The following USP3 variants were observed in gnomAD, a reference collection of about 807,000 sequenced individuals.
The protein encoded by USP3 is ubiquitin specific peptidase 3.
In USP3, 20 loss-of-function variants were observed where a neutral mutation model predicts 72.3. The observed-to-expected ratio is 0.28, with a 90% CI of 0.19 to 0.40. The LOEUF (loss-of-function observed/expected upper bound fraction) is 0.40, where lower values mean the gene tolerates loss of function less well. USP3 is among the 10% of genes least tolerant of loss of function. The pLI, the probability that USP3 is intolerant of heterozygous loss-of-function variation, is 1.00. For synonymous variants in USP3, 222 were observed against 225.3 expected, an observed-to-expected ratio of 0.99 and a Z score of 0.13; for missense variants, 479 against 633.9, an observed-to-expected ratio of 0.76 and a Z score of 2.62.
chr15:63,568,568 A>G (rs1418542001), intron 8 of USP3, among the ~76,000 whole-genome samples: 1 of 152,216 alleles, frequency 6.6e-6, no homozygotes, highest in Non-Finnish European at 1.5e-5. Context: ...TTATAAAACA[A>G]GAGAAACTGA....
chr15:63,581,103 G>A (rs1430956295), intron 11 of USP3, among the ~76,000 whole-genome samples: 1 of 152,052 alleles, frequency 6.6e-6, no homozygotes, highest in Non-Finnish European at 1.5e-5. Context: ...ACCGTGCCTG[G>A]CTGCTAATAG....
At position 63,590,993 on chromosome 15, in the gene USP3, G is replaced by T; in HGVS notation, c.*167G>T. The T allele has an allele frequency of 2.5e-6, 2 of 790,980 alleles. No individual in the cohort carries two copies. Among genetic ancestry groups the T allele is most frequent in the Non-Finnish European group, 3.6e-6 (2 of 561,820 alleles). 49.0% of individuals were successfully genotyped at this position (790,980 alleles called of 1,614,324 possible). On this transcript the variant is annotated 3_prime_UTR_variant, in exon 15 of 15. Transcript: ENST00000380324. The stretch of plus-strand genomic sequence containing the variant: ...CTGAACATGGGCACCAACTAATTTT[G>T]TTGTTGTTCTACCAGAAAACCTCAG...
chr15:63,543,798 C>A (rs1252270293), intron 3 of USP3, among the ~76,000 whole-genome samples: 1 of 152,156 alleles, frequency 6.6e-6, no homozygotes, highest in African/African-American at 2.4e-5. Context: ...AAAACACAGA[C>A]TAATAAGACC....
At position 63,537,085 on chromosome 15, in the gene USP3, T is replaced by C; in HGVS notation, c.213T>C (p.His71=). ...YEDAQVPLTN[H]KKSEKQDKVQ... The stretch of plus-strand genomic sequence containing the variant: ...ATGCACAAGTACCTTTAACCAACCA[T>C]AAGAAATCAGAAAAGCAAGATAAAG... Residue 71 remains histidine (H), a synonymous_variant, in exon 3 of 15, where the codon CAT becomes CAC. Transcript: ENST00000380324. 6.2e-7 allele frequency: 1 copy of C among 1,614,050 alleles called. No individual in the cohort carries two copies. Among genetic ancestry groups the C allele is most frequent in the African/African-American group, 1.3e-5 (1 of 75,038 alleles).
intron 3 of USP3, 55 bp downstream of exon 3, chr15:63,537,211 C>T (rs1319698711): frequency 4.5e-6 from 7 of 1,557,862 alleles, no homozygotes; most frequent in African/African-American, 1.4e-5. Context: ...GTGTGCTCTC[C>T]TCCCCTCCCT....
intron 6 of USP3, among the ~76,000 whole-genome samples, chr15:63,559,202 A>G (rs1489899975): frequency 6.6e-6 from 1 of 152,242 alleles, no homozygotes; most frequent in African/African-American, 2.4e-5. Context: ...ATAAGATGAG[A>G]TGTCTTCAAA....
chr15:63,584,636 T>G (rs1373283922), intron 11 of USP3, among the ~76,000 whole-genome samples: 1 of 152,204 alleles, frequency 6.6e-6, no homozygotes, highest in Non-Finnish European at 1.5e-5. Context: ...AGTTTGTTGC[T>G]GAGTTTTAGG....
chr15:63,537,383 C>A (rs1215407280), intron 3 of USP3, among the ~76,000 whole-genome samples: 1 of 152,114 alleles, frequency 6.6e-6, no homozygotes, highest in African/African-American at 2.4e-5. Flanking sequence ...TCCCACCTCC[C>A]GTTCCTCATC....
rs537090918 is a variant in USP3, at chr15:63,538,810, G to C, written c.284+1654G>C. 2.0e-5 allele frequency among the ~76,000 whole-genome samples: 3 copies of C among 151,956 alleles called. No individual in the cohort carries two copies. The East Asian group carries it at 5.8e-4, about 29-fold the overall frequency. Reference sequence around the variant, plus strand: ...ACCCGCCTGCCTCGGCCTCCCAAAGGGTCTTTTACATTTTTACAGGTTCAA... The same window carrying C: ...ACCCGCCTGCCTCGGCCTCCCAAAGCGTCTTTTACATTTTTACAGGTTCAA... On this transcript the variant is annotated intron_variant, in intron 3 of 14. Coordinates refer to ENST00000380324, the MANE Select transcript of USP3 (RefSeq NM_006537.4).
intron 3 of USP3, among the ~76,000 whole-genome samples, chr15:63,543,720 A>G (rs1194646664): frequency 6.6e-6 from 1 of 152,230 alleles, no homozygotes; most frequent in African/African-American, 2.4e-5. Flanking sequence ...GAAAAGGGCA[A>G]ATGGATACAT....
intron 1 of USP3, among the ~76,000 whole-genome samples, chr15:63,515,871 A>G (rs527997905): frequency 6.6e-6 from 1 of 152,318 alleles, no homozygotes; most frequent in African/African-American, 2.4e-5. Context: ...CCTGCTGTCC[A>G]CAGACAATCT....
chr15:63,554,175 G>GTATTA (rs1555447223), intron 4 of USP3, among the ~76,000 whole-genome samples: 1 of 152,108 alleles, frequency 6.6e-6, no homozygotes, highest in Non-Finnish European at 1.5e-5. Context: ...GTATTATGAG[G>GTATTA]TCTACTAGGA....
In USP3 at chr15:63,570,649, G is replaced by C. The variant is rs182856813; in HGVS notation, c.908+70G>C. On this transcript the variant is annotated intron_variant, in intron 9 of 14. Coordinates refer to ENST00000380324, the MANE Select transcript of USP3 (RefSeq NM_006537.4). This position sits in a 1 kb window ranked among gnomAD's most constrained non-coding sequence, Gnocchi z 4.4. The stretch of plus-strand genomic sequence containing the variant: ...TTCTTTTGGTGTTAATTATGTGTTA[G>C]ATTTATAACGGAAGGTAGAGGGGTT... 111 of 1,536,732 alleles carry C rather than the reference G, an allele frequency of 7.2e-5. No homozygotes were observed. The African/African-American group carries it at 1.4e-3, about 20-fold the overall frequency.
chr15:63,581,924 A>G (rs1354837658), intron 11 of USP3, among the ~76,000 whole-genome samples: 1 of 136,018 alleles, frequency 7.4e-6, no homozygotes, highest in East Asian at 2.3e-4. Context: ...GGCTCAAATG[A>G]TCCTCCACCT....
At chr15:63,540,921 A>G (rs1045365221) in intron 3 of USP3, among the ~76,000 whole-genome samples, 1 of 152,234 alleles carries the variant, frequency 6.6e-6, no homozygotes. Context: ...ATTTGCTCCC[A>G]TCCCAATTTC....
intron 3 of USP3, among the ~76,000 whole-genome samples, chr15:63,552,458 T>C (rs187427744): frequency 8.9e-4 from 135 of 152,350 alleles, no homozygotes; most frequent in Admixed American, 4.6e-3. Context: ...AGTACTTTGA[T>C]AATAGAAAAT....
At chr15:63,539,176 C>G (rs1215519536) in intron 3 of USP3, among the ~76,000 whole-genome samples, 2 of 151,768 alleles carry the variant, frequency 1.3e-5, no homozygotes, top group East Asian at 3.9e-4. Context: ...ACGTAATTTG[C>G]AGAACTGTGT....
intron 1 of USP3, among the ~76,000 whole-genome samples, chr15:63,522,775 C>T (rs2065936507): frequency 6.6e-6 from 1 of 152,158 alleles, no homozygotes; most frequent in Admixed American, 6.5e-5. Flanking sequence ...AACTTAGCAT[C>T]TTTGTTCATT....
intron 11 of USP3, among the ~76,000 whole-genome samples, chr15:63,580,806 GAT>G: frequency 6.6e-6 from 1 of 151,724 alleles, no homozygotes; most frequent in East Asian, 1.9e-4. Flanking sequence ...GTGAACACTG[GAT>G]AGCTAGTAGA....
Sources: allele counts gnomAD v4.1 joint callset (sites outside exome capture counted in the v4.1 genomes callset), GRCh38; gene constraint gnomAD v4.1.1; non-coding constraint Gnocchi (gnomAD v3.1); transcripts MANE v1.5; gene names NCBI Gene and HGNC (gene_info 2026-07-23, HGNC 2026-07-21).